CAT: variants seen among roughly 807,000 people sequenced by gnomAD.
CAT encodes catalase.
In CAT, 43 loss-of-function variants were observed where a neutral mutation model predicts 59.0. That is an observed-to-expected ratio of 0.73 (90% CI 0.57 to 0.94). CAT has a LOEUF of 0.94. Among genes scored for constraint, CAT ranks in the 40% least tolerant of loss-of-function variants. CAT has a pLI of 0.00. For synonymous variants in CAT, 218 were observed against 230.9 expected (o/e 0.94, Z 0.51); for missense variants, 664 against 682.9 (o/e 0.97, Z 0.31).
Position 34,452,111 on chromosome 11 carries a change from C to G in CAT, c.384C>G (p.Asp128Glu). Residue 128 changes from aspartate (D) to glutamate (E), a missense_variant, in exon 4 of 13, where the codon GAC becomes GAG. Coordinates refer to ENST00000241052, the MANE Select transcript of CAT (RefSeq NM_001752.4). Reference sequence around the variant, plus strand: ...CGGGTTCAGCTGACACAGTTCGGGACCCTCGTGGGTTTGCAGTGAAATTTT... The same window carrying G: ...CGGGTTCAGCTGACACAGTTCGGGAGCCTCGTGGGTTTGCAGTGAAATTTT... Reference protein sequence around the residue: ...GESGSADTVRDPRGFAVKFYT... With the variant: ...GESGSADTVREPRGFAVKFYT... 3 of 1,613,684 alleles carry G rather than the reference C, an allele frequency of 1.9e-6. No homozygotes were observed. Among genetic ancestry groups the G allele is most frequent in the Non-Finnish European group, 8.5e-7 (1 of 1,179,710 alleles).
intron 11 of CAT, among the ~76,000 whole-genome samples, chr11:34,468,988 C>A (rs754816115): frequency 1.3e-5 from 2 of 152,204 alleles, no homozygotes; most frequent in Non-Finnish European, 2.9e-5. Context: ...CCTTCAGATG[C>A]AGACTAGAAA....
At chr11:34,463,357 T>A (rs1213534107) in intron 9 of CAT, among the ~76,000 whole-genome samples, 1 of 152,226 alleles carries the variant, frequency 6.6e-6, no homozygotes, top group Non-Finnish European at 1.5e-5. Flanking sequence ...TACCACATTT[T>A]AAAAAATTCT....
At chr11:34,454,761 A>G (rs975148444) in intron 6 of CAT, among the ~76,000 whole-genome samples, 2 of 152,360 alleles carry the variant, frequency 1.3e-5, no homozygotes, top group Admixed American at 1.3e-4. Context: ...TCAATGTAGT[A>G]TTACTTAGAA....
chr11:34,453,264 G>A (rs1293218995), intron 5 of CAT, 70 bp downstream of exon 5: 9 of 936,504 alleles, frequency 9.6e-6, no homozygotes, highest in Non-Finnish European at 1.6e-5. Context: ...TCTTCATAAA[G>A]TGTCTCTCCA....
Position 34,452,222 on chromosome 11 carries a change from ATTTTGC to A in CAT, c.480+16_480+21del, listed in dbSNP as rs1214970449. 1 of 1,612,288 alleles carries A rather than the reference ATTTTGC, an allele frequency of 6.2e-7. No homozygotes were observed. Among genetic ancestry groups the A allele is most frequent in the African/African-American group, 1.3e-5 (1 of 74,844 alleles). On this transcript the variant is annotated intron_variant, in intron 4 of 12. Transcript: ENST00000241052. ...ATCCCATATTGGTAGGTAATAGAGT[ATTTTGC>A]ACTCAACAAATGTTTGTTGACTTAA...
chr11:34,468,676 C>G (rs1225945565), intron 11 of CAT: 41 of 523,160 alleles, frequency 7.8e-5, no homozygotes, highest in Non-Finnish European at 3.4e-5. Flanking sequence ...TCAGCTGCAG[C>G]CAAGTTCTGT....
At chr11:34,461,444 A>T in intron 9 of CAT, 55 bp downstream of exon 9, 1 of 1,605,974 alleles carries the variant, frequency 6.2e-7, no homozygotes, top group Non-Finnish European at 8.5e-7. Context: ...CGTGGAGCAG[A>T]TGGGCGGGAG....
At chr11:34,462,858 A>T (rs566401315) in intron 9 of CAT, among the ~76,000 whole-genome samples, 1 of 152,372 alleles carries the variant, frequency 6.6e-6, no homozygotes, top group East Asian at 1.9e-4. Flanking sequence ...TTTAAAAATT[A>T]ACTAGGCACA....
intron 10 of CAT, among the ~76,000 whole-genome samples, chr11:34,467,863 A>G (rs539056067): frequency 2.6e-5 from 4 of 151,028 alleles, no homozygotes; most frequent in African/African-American, 9.9e-5. Context: ...ATGTCTATAT[A>G]TAGATATAAT....
intron 9 of CAT, among the ~76,000 whole-genome samples, chr11:34,463,616 G>A (rs898281520): frequency 6.6e-6 from 1 of 152,228 alleles, no homozygotes; most frequent in African/African-American, 2.4e-5. Context: ...CTCCATGCTT[G>A]TGTCTGTAGA....
Position 34,457,204 on chromosome 11 carries a change from C to CTT in CAT, c.1056+412_1056+413dup, listed in dbSNP as rs899442681. 5.6e-3 allele frequency among the ~76,000 whole-genome samples: 371 copies of CTT among 66,154 alleles called. 59 individuals are homozygous for CTT. Among genetic ancestry groups the CTT allele is most frequent in the African/African-American group, 0.017 (284 of 16,614 alleles). The allele number at this position is 66,154 out of a possible 152,430, so 43.4% of individuals were successfully genotyped here. On this transcript the variant is annotated intron_variant, in intron 8 of 12. Coordinates refer to ENST00000241052, the MANE Select transcript of CAT (RefSeq NM_001752.4). ...GTAAGCCTAACTTTATTTTCTTGTT[C>CTT]TTTTTTTTTTTTTTTTTTTTTTTTT...
At chr11:34,449,409 C>G in intron 2 of CAT, 46 bp downstream of exon 2, 5 of 1,531,738 alleles carry the variant, frequency 3.3e-6, no homozygotes, top group Non-Finnish European at 4.5e-6. Flanking sequence ...TTCACAGCAC[C>G]TGGGTCAAGT....
intron 9 of CAT, among the ~76,000 whole-genome samples, chr11:34,462,548 C>A (rs1261089430): frequency 6.6e-6 from 1 of 152,094 alleles, no homozygotes; most frequent in Non-Finnish European, 1.5e-5. Context: ...CTCAGCCTCC[C>A]GAGTAGCTGG....
chr11:34,451,977 G>A (rs2133182683), intron 3 of CAT, 100 bp from the exon 4 acceptor site: 2 of 1,275,890 alleles, frequency 1.6e-6, no homozygotes, highest in Middle Eastern at 2.3e-4. Flanking sequence ...TCTTGGAAGT[G>A]GATTAGAAAG....
At chr11:34,460,446 CTTTTTTTTTTTTTTTT>C (rs149180752) in intron 8 of CAT, among the ~76,000 whole-genome samples, 1 of 84,534 alleles carries the variant, frequency 1.2e-5, no homozygotes, top group African/African-American at 5.6e-5. Context: ...GTGGGCGGTA[CTTTTTTTTTTTTTTTT>C]TTTTTTTTTC....
intron 1 of CAT, among the ~76,000 whole-genome samples, chr11:34,442,356 C>G (rs1856400959): frequency 6.6e-6 from 1 of 152,256 alleles, no homozygotes; most frequent in East Asian, 1.9e-4. Context: ...TAATCCAGCA[C>G]TTTGGGAGGC....
At chr11:34,465,050 A>G (rs1365988967) in intron 10 of CAT, among the ~76,000 whole-genome samples, 2 of 152,170 alleles carry the variant, frequency 1.3e-5, no homozygotes, top group African/African-American at 4.8e-5. Flanking sequence ...AGCACATGCT[A>G]TGAAGGAGGC....
intron 8 of CAT, chr11:34,460,784 G>A (rs1014099522): frequency 4.0e-6 from 1 of 247,284 alleles, no homozygotes; most frequent in Non-Finnish European, 7.9e-6. Flanking sequence ...AATTTCCCAT[G>A]CTGTTGGTTT....
Position 34,471,004 on chromosome 11 carries a change from A to G in CAT, c.1481A>G (p.Gln494Arg), listed in dbSNP as rs752007263. The G allele has an allele frequency of 2.5e-6, 4 of 1,614,234 alleles. No homozygotes were observed. Among genetic ancestry groups the G allele is most frequent in the Non-Finnish European group, 1.7e-6 (2 of 1,180,032 alleles). ...CACCCTGACTACGGGAGCCACATCCAGGCTCTTCTGGACAAGTACAATGCT... is the reference window on the plus strand; with the variant it reads ...CACCCTGACTACGGGAGCCACATCCGGGCTCTTCTGGACAAGTACAATGCT... The part of the protein sequence containing the change: ...EVHPDYGSHI[Q>R]ALLDKYNAEK... Residue 494 changes from glutamine (Q) to arginine (R), a missense_variant, in exon 12 of 13, where the codon CAG becomes CGG. By Grantham distance (43) the Gln-to-Arg change is conservative. Coordinates refer to ENST00000241052, the MANE Select transcript of CAT (RefSeq NM_001752.4).
Sources: allele counts gnomAD v4.1 joint callset (sites outside exome capture counted in the v4.1 genomes callset), GRCh38; gene constraint gnomAD v4.1.1; transcripts MANE v1.5; gene names NCBI Gene and HGNC (gene_info 2026-07-23, HGNC 2026-07-21).